The following ANKRD11 variants were observed in gnomAD, a reference collection of about 807,000 sequenced individuals.
ANKRD11 encodes ankyrin repeat domain 11, also known as ankyrin repeat domain-containing protein 11.
ANKRD11 carries 17 observed loss-of-function variants against 195.7 expected under a neutral mutation model. The observed-to-expected ratio is 0.09, with a 90% confidence interval of 0.06 to 0.13. The LOEUF (loss-of-function observed/expected upper bound fraction) is 0.13, where lower values mean the gene tolerates loss of function less well. ANKRD11 is among the 10% of genes least tolerant of loss of function. The probability of loss-of-function intolerance (pLI) is 1.00; values close to 1 mark genes in which losing one functional copy is unlikely to be tolerated. For missense variants in ANKRD11, 3,735 were observed against 3,566.1 expected (o/e 1.05, Z -1.21); for synonymous variants, 1,953 against 1,528.1 (o/e 1.28, Z -6.49).
At chr16:89,376,622 G>A (rs1438167691) in intron 2 of ANKRD11, among the ~76,000 whole-genome samples, 1 of 152,166 alleles carries the variant, frequency 6.6e-6, no homozygotes, top group Admixed American at 6.5e-5. Flanking sequence ...ATTTTTAGCA[G>A]AGACGAGGGT....
In ANKRD11 at chr16:89,393,345, C is replaced by T. The variant is rs1219370359; in HGVS notation, c.-60+24939G>A. On this transcript the variant is annotated intron_variant, in intron 2 of 12. Coordinates refer to ENST00000301030, the MANE Select transcript of ANKRD11 (RefSeq NM_013275.6). ...TTTTTTTTTGAGACGGAGGCTTGCT[C>T]TGTAGTGCGAGACCACTCAGGCAGG... 4.1e-5 allele frequency among the ~76,000 whole-genome samples: 6 copies of T among 146,728 alleles called. No individual in the cohort carries two copies. The Admixed American group carries it at 4.1e-4, about 10-fold the overall frequency.
intron 2 of ANKRD11, among the ~76,000 whole-genome samples, chr16:89,332,253 CACTGAA>C (rs2038105013): frequency 6.6e-6 from 1 of 152,180 alleles, no homozygotes; most frequent in African/African-American, 2.4e-5. Context: ...AGACTATAAA[CACTGAA>C]ACAGACAAAA....
In ANKRD11 at chr16:89,279,752, G is replaced by C. The variant is rs532695477; in HGVS notation, c.6790C>G (p.Pro2264Ala). ...TCAGGGGCACAGAGGGACGCGGCGGGGGGGCCTTCAGCCTCAGCCCCCTGG... is the reference window on the plus strand; with the variant it reads ...TCAGGGGCACAGAGGGACGCGGCGGCGGGGCCTTCAGCCTCAGCCCCCTGG... ...GDQGAEAEGP[P>A]AASLCAPDGP... The change falls in exon 9 of 13, where the codon CCC becomes GCC. Residue 2264 changes from proline to alanine, a missense_variant. Physicochemically the swap from Pro to Ala is conservative, Grantham distance 27. Coordinates refer to ENST00000301030, the MANE Select transcript of ANKRD11 (RefSeq NM_013275.6). The surrounding 1 kb of genome is among the most constrained non-coding windows in gnomAD (Gnocchi z 5.6). 5 of 1,525,244 alleles carry C rather than the reference G, an allele frequency of 3.3e-6. No homozygotes were observed. The highest frequency in any genetic ancestry group is 2.0e-4 in the Middle Eastern group (1 of 5,108). 94.5% of individuals were successfully genotyped at this position (1,525,244 alleles called of 1,614,324 possible). A position where few individuals can be genotyped will look rare whatever the true frequency, so the allele number is the denominator to read the frequency against.
intron 1 of ANKRD11, among the ~76,000 whole-genome samples, chr16:89,479,850 G>A (rs1167154255): frequency 1.3e-5 from 2 of 149,486 alleles, no homozygotes; most frequent in Non-Finnish European, 3.0e-5. Context: ...GGCTGAGGCA[G>A]GAGAATGGCA....
chr16:89,355,100 T>G (rs909395291), intron 2 of ANKRD11, among the ~76,000 whole-genome samples: 1 of 152,178 alleles, frequency 6.6e-6, no homozygotes, highest in Non-Finnish European at 1.5e-5. Flanking sequence ...GTTGCTGACA[T>G]TTCCTGGGCA....
chr16:89,382,237 C>T (rs185788175), intron 2 of ANKRD11, among the ~76,000 whole-genome samples: 1 of 152,096 alleles, frequency 6.6e-6, no homozygotes, highest in African/African-American at 2.4e-5. Context: ...AGGAGTGACC[C>T]AAGCAAAGTT....
intron 1 of ANKRD11, among the ~76,000 whole-genome samples, chr16:89,449,884 T>C (rs200202550): frequency 4.1e-5 from 6 of 144,776 alleles, no homozygotes; most frequent in South Asian, 2.2e-4. Context: ...ATCAAAGTCA[T>C]AGACAGGCAG....
intron 3 of ANKRD11, among the ~76,000 whole-genome samples, chr16:89,314,682 G>A (rs1027992416): frequency 1.2e-4 from 19 of 152,154 alleles, no homozygotes; most frequent in Non-Finnish European, 2.4e-4. Flanking sequence ...CCTGAGCCAG[G>A]AGAGCTCCCT....
At position 89,281,994 on chromosome 16, in the gene ANKRD11, G is replaced by C. The variant is rs1247774134; in HGVS notation, c.4548C>G (p.Asp1516Glu). The C allele has an allele frequency of 1.2e-6, 2 of 1,613,136 alleles. No homozygotes were observed. The highest frequency in any genetic ancestry group is 1.3e-5 in the African/African-American group (1 of 75,026). The change falls in exon 9 of 13, where the codon GAC (aspartate) becomes GAG (glutamate). Residue 1516 changes from aspartate to glutamate, a missense_variant. Asp to Glu is a conservative substitution (Grantham distance 45). Transcript: ENST00000301030. This position sits in a 1 kb window ranked among gnomAD's most constrained non-coding sequence, Gnocchi z 5.5. ...GCCTCGGGCCCTCGTCCCTGGACTT[G>C]TCTTTGAGCACGCGGGGCGGGCTGT... ...DKDSPPRVLK[D>E]KSRDEGPRLG... is the part of the protein sequence containing the mutation.
chr16:89,281,970 C>A lies in ANKRD11; in HGVS notation c.4572G>T (p.Arg1524Ser). Reference protein sequence around the residue: ...LKDKSRDEGPRLGDAKLKEKF... With the variant: ...LKDKSRDEGPSLGDAKLKEKF... The stretch of plus-strand genomic sequence containing the variant: ...TCTCCTTCAGTTTGGCATCGCCGAG[C>A]CTCGGGCCCTCGTCCCTGGACTTGT... The change falls in exon 9 of 13, where the codon AGG becomes AGT. Residue 1524 changes from arginine to serine, a missense_variant. Transcript: ENST00000301030. This position sits in a 1 kb window ranked among gnomAD's most constrained non-coding sequence, Gnocchi z 5.5. 6.2e-7 allele frequency: 1 copy of A among 1,612,872 alleles called. No homozygotes were observed. Among genetic ancestry groups the A allele is most frequent in the Non-Finnish European group, 8.5e-7 (1 of 1,180,044 alleles).
intron 1 of ANKRD11, among the ~76,000 whole-genome samples, chr16:89,442,829 G>A (rs923218279): frequency 2.0e-5 from 3 of 152,232 alleles, no homozygotes; most frequent in South Asian, 2.1e-4. Context: ...GTGAGCCTCC[G>A]GCGCTCCTGC....
chr16:89,420,231 A>G (rs1411322311), intron 1 of ANKRD11: 1 of 152,258 alleles, frequency 6.6e-6, no homozygotes, highest in Non-Finnish European at 1.5e-5. Context: ...GCAGGAAGCC[A>G]GCGAGGAACC....
chr16:89,486,683 A>G (rs2057625599), intron 1 of ANKRD11, among the ~76,000 whole-genome samples: 1 of 152,178 alleles, frequency 6.6e-6, no homozygotes, highest in African/African-American at 2.4e-5. Flanking sequence ...GAGTTAGGCC[A>G]CAGTCACCAT....
intron 2 of ANKRD11, among the ~76,000 whole-genome samples, chr16:89,393,823 T>C (rs1342362514): frequency 2.6e-5 from 4 of 152,094 alleles, no homozygotes; most frequent in Admixed American, 6.5e-5. Context: ...AAGTATTTAA[T>C]GAATAGGAGG....
Position 89,280,760 on chromosome 16 carries a change from G to C in ANKRD11, c.5782C>G (p.Pro1928Ala). The C allele has an allele frequency of 6.2e-7, 1 of 1,612,904 alleles. No individual in the cohort carries two copies. The change falls in exon 9 of 13, where the codon CCC (proline) becomes GCC (alanine). Residue 1928 changes from proline (P) to alanine (A), a missense_variant. Pro to Ala is a conservative substitution (Grantham distance 27, BLOSUM62 -1). Transcript: ENST00000301030. The stretch of plus-strand genomic sequence containing the variant: ...TCGTCCAGCGGCTCCAGGTAGCTGG[G>C]CTCCGGGGGGATGATGGCGGCCGTC... ...QATAAIIPPE[P>A]SYLEPLDEGP...
chr16:89,392,247 G>C (rs1019249305), intron 2 of ANKRD11: 1 of 152,262 alleles, frequency 6.6e-6, no homozygotes, highest in Middle Eastern at 3.2e-3. Flanking sequence ...TCTGCAGAAG[G>C]TATAAAAAAT....
intron 2 of ANKRD11, among the ~76,000 whole-genome samples, chr16:89,402,252 T>C (rs2041724013): frequency 6.6e-6 from 1 of 152,186 alleles, no homozygotes; most frequent in Non-Finnish European, 1.5e-5. Flanking sequence ...TCTGGGTGCC[T>C]ACACGTGACG....
In ANKRD11 at chr16:89,315,311, T is replaced by C. The variant is rs1195304482; in HGVS notation, c.87+1622A>G. 5.3e-5 allele frequency among the ~76,000 whole-genome samples: 8 copies of C among 152,030 alleles called. No homozygotes were observed. The East Asian group carries it at 1.2e-3, about 22-fold the overall frequency. ...AGTCCCAGGACCCAACCCCACGAGA[T>C]GAGGAAGATGAGGCCAGGGCGGCGA... is the stretch of plus-strand genomic sequence containing the variant. On this transcript the variant is annotated intron_variant, in intron 3 of 12. Transcript: ENST00000301030.
intron 2 of ANKRD11, among the ~76,000 whole-genome samples, chr16:89,393,230 G>A (rs946894684): frequency 2.0e-5 from 3 of 152,076 alleles, no homozygotes; most frequent in African/African-American, 7.2e-5. Flanking sequence ...TCCCACAGGT[G>A]ACATGGCTCC....
Sources: gnomAD v4.1 joint callset for allele counts (sites outside exome capture counted in the v4.1 genomes callset) on GRCh38, gnomAD v4.1.1 for gene constraint, Gnocchi (gnomAD v3.1) non-coding constraint, MANE v1.5 for transcripts, NCBI Gene and HGNC (gene_info 2026-07-23, HGNC 2026-07-21) for gene names.